SPTBN4: variants seen among roughly 807,000 people sequenced by gnomAD.
SPTBN4 encodes the protein spectrin beta chain, non-erythrocytic 4.
In SPTBN4, 96 loss-of-function variants were observed where a neutral mutation model predicts 277.8. The ratio of observed to expected loss-of-function variants is 0.35; its 90% CI spans 0.29 to 0.41. The LOEUF (loss-of-function observed/expected upper bound fraction) is 0.41. Among genes scored for constraint, SPTBN4 ranks in the 10% least tolerant of loss-of-function variants. SPTBN4 has a pLI of 1.00. For missense variants in SPTBN4, 3,006 were observed against 3,595.7 expected, an observed-to-expected ratio of 0.84 and a Z score of 4.19; for synonymous variants, 1,481 against 1,580.3, an observed-to-expected ratio of 0.94 and a Z score of 1.49.
intron 32 of SPTBN4, among the ~76,000 whole-genome samples, chr19:40,569,975 GACACAC>G (rs1224465456): frequency 2.1e-5 from 1 of 48,352 alleles, no homozygotes; most frequent in African/African-American, 8.3e-5. Flanking sequence ...CACACACACA[GACACAC>G]ACACACAGAC....
chr19:40,487,752 C>T lies in SPTBN4; in HGVS notation c.225C>T (p.Leu75=), dbSNP rs148022541. ...TCACCAAGTGGGTGAACTCGCACCTCGCCCGCGTGGGCTGCCACATCGGGG... is the reference window on the plus strand; with the variant it reads ...TCACCAAGTGGGTGAACTCGCACCTTGCCCGCGTGGGCTGCCACATCGGGG... ...KTFTKWVNSH[L]ARVGCHIGDL... Residue 75 remains leucine, a synonymous_variant, in exon 3 of 36, where the codon CTC becomes CTT. Coordinates refer to ENST00000598249, the MANE Select transcript of SPTBN4 (RefSeq NM_020971.3). 286 of 1,613,692 alleles carry T rather than the reference C, an allele frequency of 1.8e-4. No individual in the cohort carries two copies. The African/African-American group carries it at 3.6e-3, about 20-fold the overall frequency.
intron 1 of SPTBN4, among the ~76,000 whole-genome samples, chr19:40,468,533 C>T (rs182032688): frequency 1.1e-3 from 175 of 152,224 alleles, no homozygotes; most frequent in Non-Finnish European, 2.1e-3. Flanking sequence ...CGTGCCACCA[C>T]GCCTGGCTAA....
At position 40,499,817 on chromosome 19, in the gene SPTBN4, T is replaced by C. The variant is rs995103468; in HGVS notation, c.785-2104T>C. On this transcript the variant is annotated intron_variant, in intron 7 of 35. Coordinates refer to ENST00000598249, the MANE Select transcript of SPTBN4 (RefSeq NM_020971.3). ...CAGAATTCATGGTCTTAATCAGTCCTCTACCCTGCCTCTTATAGCTGTATC... is the reference window on the plus strand; with the variant it reads ...CAGAATTCATGGTCTTAATCAGTCCCCTACCCTGCCTCTTATAGCTGTATC... Among the ~76,000 whole-genome samples the C allele has an allele frequency of 5.3e-5, 8 of 152,072 alleles. No individual in the cohort carries two copies. In the East Asian group the frequency reaches 1.5e-3, roughly 29 times the overall value.
At chr19:40,567,119 C>T (rs894147100) in intron 30 of SPTBN4, 7 of 454,962 alleles carry the variant, frequency 1.5e-5, no homozygotes, top group African/African-American at 1.0e-4. Context: ...CCGTCTCTAC[C>T]AAAACCAAAA....
intron 13 of SPTBN4, among the ~76,000 whole-genome samples, chr19:40,510,327 CAG>C (rs935809661): frequency 1.9e-4 from 29 of 151,764 alleles, no homozygotes; most frequent in Non-Finnish European, 4.1e-4. Flanking sequence ...TTTTCTAAGA[CAG>C]AGTCTCACTC....
rs776324115 is a variant in SPTBN4, at chr19:40,487,768, C to T, written c.241C>T (p.His81Tyr). 6.2e-7 allele frequency: 1 copy of T among 1,613,506 alleles called. No individual in the cohort carries two copies. The highest frequency in any genetic ancestry group is 8.5e-7 in the Non-Finnish European group (1 of 1,179,754). ...VNSHLARVGC[H>Y]IGDLYVDLRD... Reference sequence around the variant, plus strand: ...CTCGCACCTCGCCCGCGTGGGCTGCCACATCGGGGACCTCTATGTGGACCT... The same window carrying T: ...CTCGCACCTCGCCCGCGTGGGCTGCTACATCGGGGACCTCTATGTGGACCT... Residue 81 changes from histidine (H) to tyrosine (Y), a missense_variant, in exon 3 of 36, where the codon CAC (histidine) becomes TAC (tyrosine). Physicochemically the swap from His to Tyr is moderately conservative, Grantham distance 83. This residue lies in a region of SPTBN4 where 114 missense variants were observed against 196.1 expected (regional missense o/e 0.58). Transcript: ENST00000598249.
At chr19:40,550,401 AG>A in intron 22 of SPTBN4, 74 bp downstream of exon 22, 1 of 1,409,794 alleles carries the variant, frequency 7.1e-7, no homozygotes, top group Non-Finnish European at 9.8e-7. Context: ...AGGTGGTTAA[AG>A]CCAAAACAAT....
At chr19:40,557,551 T>C in intron 26 of SPTBN4, 148 bp downstream of exon 26, 1 of 953,570 alleles carries the variant, frequency 1.0e-6, no homozygotes, top group Non-Finnish European at 1.5e-6. Flanking sequence ...AATTAGATAA[T>C]GGAGCAGATA....
intron 22 of SPTBN4, among the ~76,000 whole-genome samples, chr19:40,553,305 C>A (rs955444622): frequency 6.6e-6 from 1 of 152,050 alleles, no homozygotes; most frequent in Non-Finnish European, 1.5e-5. Flanking sequence ...CATAGCAAGA[C>A]CTCGTCTCTC....
chr19:40,551,395 T>C (rs1247707255), intron 22 of SPTBN4, among the ~76,000 whole-genome samples: 3 of 117,682 alleles, frequency 2.5e-5, no homozygotes, highest in African/African-American at 1.1e-4. Flanking sequence ...TCTCTCTCTC[T>C]CTCTCACACA....
chr19:40,557,001 C>CCA (rs762868308), intron 25 of SPTBN4, 22 bp from the exon 26 acceptor site: 11 of 1,525,368 alleles, frequency 7.2e-6, no homozygotes. Flanking sequence ...GCTGTACCCC[C>CCA]CCCCCCACTT....
At chr19:40,523,994 G>A (rs1599763690) in intron 17 of SPTBN4, among the ~76,000 whole-genome samples, 2 of 152,058 alleles carry the variant, frequency 1.3e-5, no homozygotes, top group East Asian at 1.9e-4. Context: ...GTAGAGACAC[G>A]GTTTCACCAT....
At chr19:40,528,939 G>C in intron 17 of SPTBN4, 102 bp from the exon 18 acceptor site, 2 of 816,658 alleles carry the variant, frequency 2.4e-6, no homozygotes, top group Non-Finnish European at 4.1e-6. Context: ...TATTTTCCAC[G>C]CCCTTCTTCC....
chr19:40,553,786 G>A (rs2080944473), intron 22 of SPTBN4, among the ~76,000 whole-genome samples: 1 of 152,062 alleles, frequency 6.6e-6, no homozygotes, highest in African/African-American at 2.4e-5. Context: ...ATGATACCTC[G>A]GCTGCTAAGC....
intron 7 of SPTBN4, 28 bp downstream of exon 7, chr19:40,497,632 C>T (rs771976983): frequency 1.9e-6 from 3 of 1,593,292 alleles, no homozygotes; most frequent in Non-Finnish European, 2.6e-6. Context: ...CCAGCCCAGA[C>T]TTCGTCTTGG....
chr19:40,476,669 G>T (rs931576891), intron 2 of SPTBN4, among the ~76,000 whole-genome samples: 1 of 151,872 alleles, frequency 6.6e-6, no homozygotes, highest in Non-Finnish European at 1.5e-5. Context: ...CTCACTGCAA[G>T]CTCCGCCTCC....
Position 40,502,170 on chromosome 19 carries a change from T to A in SPTBN4, c.940T>A (p.Tyr314Asn). Reference sequence around the variant, plus strand: ...GGAGGTGGGGAAGATCATAGAACGCTACGAGGAGCTGGCGGCTGAGCTGCT... The same window carrying A: ...GGAGGTGGGGAAGATCATAGAACGCAACGAGGAGCTGGCGGCTGAGCTGCT... ...VLEVGKIIER[Y>N]EELAAELLAW... is the part of the protein sequence containing the mutation. Residue 314 changes from tyrosine (Y) to asparagine (N), a missense_variant, in exon 9 of 36, where the codon TAC becomes AAC. Around this residue, in one of 5 missense-constraint regions of SPTBN4, gnomAD observed 1,759 missense variants for 2,061.5 expected, o/e 0.85. Transcript: ENST00000598249. This position sits in a 1 kb window ranked among gnomAD's most constrained non-coding sequence, Gnocchi z 4.9. 6.2e-7 allele frequency: 1 copy of A among 1,614,102 alleles called. No individual in the cohort carries two copies. Among genetic ancestry groups the A allele is most frequent in the Non-Finnish European group, 8.5e-7 (1 of 1,180,034 alleles).
intron 21 of SPTBN4, among the ~76,000 whole-genome samples, chr19:40,549,953 G>A (rs944906491): frequency 1.1e-4 from 16 of 152,184 alleles, no homozygotes; most frequent in African/African-American, 3.6e-4. Flanking sequence ...CCTGGCTTAA[G>A]TGCAGACAGC....
intron 27 of SPTBN4, among the ~76,000 whole-genome samples, chr19:40,565,077 CA>C (rs2081077628): frequency 6.6e-6 from 1 of 151,550 alleles, no homozygotes; most frequent in Middle Eastern, 3.2e-3. Context: ...CCAGCCTGGC[CA>C]ACATGGAGAA....
Sources: gnomAD v4.1 joint callset for allele counts (sites outside exome capture counted in the v4.1 genomes callset) on GRCh38, gnomAD v4.1.1 for gene constraint, gnomAD v4.1.1 regional missense constraint, Gnocchi (gnomAD v3.1) non-coding constraint, MANE v1.5 for transcripts, NCBI Gene and HGNC (gene_info 2026-07-23, HGNC 2026-07-21) for gene names.